PAPPA2: variants seen among roughly 807,000 people sequenced by gnomAD.
The protein encoded by PAPPA2 is pappalysin-2.
A neutral mutation model predicts 176.4 loss-of-function variants in PAPPA2; 86 were observed. The observed-to-expected ratio is 0.49, with a 90% confidence interval of 0.41 to 0.58. PAPPA2 has a LOEUF of 0.58. PAPPA2 is among the 20% of genes least tolerant of loss of function. The pLI, the probability that PAPPA2 is intolerant of heterozygous loss-of-function variation, is 0.00. For synonymous variants in PAPPA2, 809 were observed against 852.2 expected (o/e 0.95, Z 0.88); for missense variants, 2,073 against 2,256.9 (o/e 0.92, Z 1.65).
At position 176,820,487 on chromosome 1, in the gene PAPPA2, C is replaced by T. The variant is rs545341960; in HGVS notation, c.5203-19686C>T. 1.7e-4 allele frequency among the ~76,000 whole-genome samples: 26 copies of T among 152,310 alleles called. No homozygotes were observed. The South Asian group carries it at 5.2e-3, about 30-fold the overall frequency. On this transcript the variant is annotated intron_variant, in intron 21 of 22. Coordinates refer to ENST00000367662, the MANE Select transcript of PAPPA2 (RefSeq NM_020318.3). ...TAGGGAGACTGGAGCCATGATCAGC[C>T]TTCCTGAAGCACACAGCCGGGGTGT...
intron 3 of PAPPA2, among the ~76,000 whole-genome samples, chr1:176,669,664 C>T (rs980833281): frequency 3.9e-5 from 6 of 152,148 alleles, no homozygotes; most frequent in Non-Finnish European, 8.8e-5. Flanking sequence ...TTCTCCTAAA[C>T]ATCTTTGTTT....
intron 14 of PAPPA2, among the ~76,000 whole-genome samples, chr1:176,758,453 G>A (rs1663542583): frequency 6.6e-6 from 1 of 152,136 alleles, no homozygotes; most frequent in Non-Finnish European, 1.5e-5. Context: ...ATTTGGTGGT[G>A]GGAAAATTAA....
chr1:176,498,023 G>T (rs1647724424), intron 1 of PAPPA2, among the ~76,000 whole-genome samples: 1 of 152,186 alleles, frequency 6.6e-6, no homozygotes, highest in Non-Finnish European at 1.5e-5. Flanking sequence ...TGCCATCACT[G>T]CTCTGCACAT....
chr1:176,702,356 G>A (rs1660687836), intron 8 of PAPPA2, among the ~76,000 whole-genome samples: 1 of 152,238 alleles, frequency 6.6e-6, no homozygotes, highest in African/African-American at 2.4e-5. Context: ...TAGGTTCAGT[G>A]TTAACGCAGC....
chr1:176,499,722 CAAGGAGAATTTGCCT>C (rs1207462840), intron 1 of PAPPA2, among the ~76,000 whole-genome samples: 3 of 152,174 alleles, frequency 2.0e-5, no homozygotes, highest in African/African-American at 7.2e-5. Context: ...AAAACCATTG[CAAGGAGAATTTGCCT>C]AAGGGTTGGT....
chr1:176,733,939 CCCAACCAA>C (rs1662278679), intron 12 of PAPPA2, among the ~76,000 whole-genome samples: 1 of 151,924 alleles, frequency 6.6e-6, no homozygotes, highest in Admixed American at 6.6e-5. Flanking sequence ...TACCACTCAC[CCCAACCAA>C]AAGGTTATTG....
At chr1:176,840,145 G>A in intron 21 of PAPPA2, 28 bp from the exon 22 acceptor site, 1 of 1,541,310 alleles carries the variant, frequency 6.5e-7, no homozygotes, top group South Asian at 1.1e-5. Context: ...AGGCTATACT[G>A]AGATGTTGCC....
chr1:176,763,334 G>T (rs1005012575), intron 14 of PAPPA2, among the ~76,000 whole-genome samples: 1 of 152,146 alleles, frequency 6.6e-6, no homozygotes, highest in Non-Finnish European at 1.5e-5. Flanking sequence ...TAAGAGCATG[G>T]TTCTTATACC....
intron 21 of PAPPA2, among the ~76,000 whole-genome samples, chr1:176,817,277 C>G (rs890024717): frequency 6.6e-6 from 1 of 152,074 alleles, no homozygotes; most frequent in Non-Finnish European, 1.5e-5. Context: ...GCACAGGGCA[C>G]AGGAGTTTGA....
chr1:176,525,369 T>C (rs1649443912), intron 1 of PAPPA2, among the ~76,000 whole-genome samples: 1 of 152,202 alleles, frequency 6.6e-6, no homozygotes, highest in Admixed American at 6.5e-5. Context: ...AGTTCATCAC[T>C]TCAGAAGGTG....
chr1:176,598,774 ATTCTT>A (rs1452247084), intron 3 of PAPPA2, among the ~76,000 whole-genome samples: 1 of 152,084 alleles, frequency 6.6e-6, no homozygotes, highest in Non-Finnish European at 1.5e-5. Flanking sequence ...AGTTAATTCT[ATTCTT>A]TTCTTCCAGT....
At chr1:176,640,902 T>G in intron 3 of PAPPA2, among the ~76,000 whole-genome samples, 1 of 151,606 alleles carries the variant, frequency 6.6e-6, no homozygotes, top group Non-Finnish European at 1.5e-5. Flanking sequence ...TGAGATGGTA[T>G]CTCATTGTGG....
intron 21 of PAPPA2, among the ~76,000 whole-genome samples, chr1:176,810,089 C>A (rs537742482): frequency 5.9e-4 from 89 of 151,642 alleles, no homozygotes; most frequent in African/African-American, 2.1e-3. Flanking sequence ...GCTCTTTGTT[C>A]TAAAAAGTGA....
chr1:176,740,210 T>G lies in PAPPA2; in HGVS notation c.4151+14T>G. On this transcript the variant is annotated intron_variant, in intron 14 of 22. Transcript: ENST00000367662. ...TCAGGGACAGAGGTACAAACTTCCC[T>G]TTCTTTCTTTTGTTTCCTTTTCTTG... The G allele has an allele frequency of 6.2e-7, 1 of 1,606,796 alleles. No individual in the cohort carries two copies. The highest frequency in any genetic ancestry group is 1.1e-5 in the South Asian group (1 of 90,762).
intron 12 of PAPPA2, among the ~76,000 whole-genome samples, chr1:176,717,759 T>A (rs1661443346): frequency 2.0e-5 from 3 of 152,268 alleles, no homozygotes; most frequent in Non-Finnish European, 4.4e-5. Flanking sequence ...CTCTTTGTTC[T>A]GTTACTATAT....
rs1417381624 is a variant in PAPPA2 at position 176,631,306 on chromosome 1, C to T, written c.1991+35711C>T. Among the ~76,000 whole-genome samples, 6 of 152,178 alleles carry T rather than the reference C, an allele frequency of 3.9e-5. No individual in the cohort carries two copies. The South Asian group carries it at 1.0e-3, about 26-fold the overall frequency. On this transcript the variant is annotated intron_variant, in intron 3 of 22. Transcript: ENST00000367662. Reference sequence around the variant, plus strand: ...CAAATCACAAAAGATCACTATGATTCCACTTATATTACATACCCAGAAGAG... The same window carrying T: ...CAAATCACAAAAGATCACTATGATTTCACTTATATTACATACCCAGAAGAG...
At chr1:176,527,308 C>T (rs1394041423) in intron 1 of PAPPA2, among the ~76,000 whole-genome samples, 1 of 152,226 alleles carries the variant, frequency 6.6e-6, no homozygotes, top group East Asian at 1.9e-4. Flanking sequence ...TGCATTATCA[C>T]ATTTGACCCA....
intron 10 of PAPPA2, among the ~76,000 whole-genome samples, chr1:176,708,028 A>G (rs972180908): frequency 2.0e-5 from 3 of 150,054 alleles, no homozygotes; most frequent in Admixed American, 2.0e-4. Flanking sequence ...TCTTCTGTAC[A>G]CAAGTATTTG....
intron 1 of PAPPA2, among the ~76,000 whole-genome samples, chr1:176,533,126 T>A (rs1159626750): frequency 6.6e-6 from 1 of 152,232 alleles, no homozygotes; most frequent in Non-Finnish European, 1.5e-5. Context: ...CCTGCCTGTG[T>A]CCTGCAAAAC....
Sources: allele counts gnomAD v4.1 joint callset (sites outside exome capture counted in the v4.1 genomes callset), GRCh38; gene constraint gnomAD v4.1.1; transcripts MANE v1.5; gene names NCBI Gene and HGNC (gene_info 2026-07-23, HGNC 2026-07-21).